KCTD8: variants seen among roughly 807,000 people sequenced by gnomAD.
KCTD8 encodes the protein potassium channel tetramerization domain containing 8, also known as BTB/POZ domain-containing protein KCTD8.
A neutral mutation model predicts 31.5 loss-of-function variants in KCTD8; 27 were observed. That is an observed-to-expected ratio of 0.86 (90% confidence interval 0.63 to 1.18). The LOEUF (loss-of-function observed/expected upper bound fraction) is 1.18. Ranked by LOEUF, KCTD8 falls within the 50% of genes most tolerant of loss-of-function variation. The pLI is 0.00. For synonymous variants in KCTD8, 290 were observed against 280.0 expected, an observed-to-expected ratio of 1.04 and a Z score of -0.36; for missense variants, 658 against 647.7, an observed-to-expected ratio of 1.02 and a Z score of -0.17.
intron 1 of KCTD8, among the ~76,000 whole-genome samples, chr4:44,357,918 C>A (rs1719386501): frequency 6.6e-6 from 1 of 151,432 alleles, no homozygotes. Context: ...TATTATTATA[C>A]TTTAAGTTCT....
chr4:44,233,461 T>C (rs1400363679), intron 1 of KCTD8, among the ~76,000 whole-genome samples: 2 of 152,182 alleles, frequency 1.3e-5, no homozygotes, highest in Non-Finnish European at 2.9e-5. Context: ...ATGGGGTTTG[T>C]TTACCACGTC....
chr4:44,331,713 G>A (rs1004769200), intron 1 of KCTD8, among the ~76,000 whole-genome samples: 2 of 149,144 alleles, frequency 1.3e-5, no homozygotes, highest in Admixed American at 1.3e-4. Flanking sequence ...GTGGAGATGT[G>A]GAGCCATATA....
intron 1 of KCTD8, among the ~76,000 whole-genome samples, chr4:44,177,814 T>C (rs186714752): frequency 6.6e-6 from 1 of 152,302 alleles, no homozygotes; most frequent in African/African-American, 2.4e-5. Flanking sequence ...ACCATTTAGG[T>C]ACCATAACTA....
chr4:44,308,815 CAT>C (rs1301554320), intron 1 of KCTD8, among the ~76,000 whole-genome samples: 2 of 151,990 alleles, frequency 1.3e-5, no homozygotes, highest in African/African-American at 4.8e-5. Context: ...TGAAAAAACA[CAT>C]ATTGAATCAC....
intron 1 of KCTD8, among the ~76,000 whole-genome samples, chr4:44,378,439 C>T (rs1384169453): frequency 6.6e-6 from 1 of 151,086 alleles, no homozygotes; most frequent in Admixed American, 6.6e-5. Context: ...TGCATATGTA[C>T]CCTAGAACTT....
At chr4:44,281,103 G>C (rs549361280) in intron 1 of KCTD8, among the ~76,000 whole-genome samples, 1 of 135,808 alleles carries the variant, frequency 7.4e-6, no homozygotes, top group South Asian at 2.5e-4. Context: ...AAAGTGGTAT[G>C]ACTTAATCAA....
intron 1 of KCTD8, among the ~76,000 whole-genome samples, chr4:44,256,219 T>A (rs1715986930): frequency 6.6e-6 from 1 of 151,904 alleles, no homozygotes; most frequent in Admixed American, 6.6e-5. Flanking sequence ...CAAGTCAAGA[T>A]AAGATTTAGG....
chr4:44,178,652 AG>A (rs1331479415), intron 1 of KCTD8, among the ~76,000 whole-genome samples: 1 of 152,196 alleles, frequency 6.6e-6, no homozygotes, highest in East Asian at 1.9e-4. Context: ...GTTTATTGGC[AG>A]GGCAACAGAG....
chr4:44,368,927 C>T (rs1424418313), intron 1 of KCTD8, among the ~76,000 whole-genome samples: 1 of 152,216 alleles, frequency 6.6e-6, no homozygotes, highest in Non-Finnish European at 1.5e-5. Flanking sequence ...CTTGATTTTA[C>T]ACATGACTGG....
chr4:44,374,741 T>A (rs546394057), intron 1 of KCTD8, among the ~76,000 whole-genome samples: 40 of 152,246 alleles, frequency 2.6e-4, no homozygotes, highest in African/African-American at 9.6e-4. Flanking sequence ...TCAGAACACA[T>A]ATAACATTAA....
intron 1 of KCTD8, among the ~76,000 whole-genome samples, chr4:44,425,323 C>T (rs1349359715): frequency 6.6e-6 from 1 of 151,966 alleles, no homozygotes; most frequent in Admixed American, 6.6e-5. Context: ...TGAAAGAAAA[C>T]AAATAACAGA....
chr4:44,444,806 G>A (rs1326006421), intron 1 of KCTD8, among the ~76,000 whole-genome samples: 1 of 143,084 alleles, frequency 7.0e-6, no homozygotes, highest in Non-Finnish European at 1.6e-5. Flanking sequence ...GGGTTGGGGG[G>A]GAATAACATT....
In KCTD8 at chr4:44,314,892, G is replaced by GA. The variant is rs79225319; in HGVS notation, c.961+132670dup. On this transcript the variant is annotated intron_variant, in intron 1 of 1. Transcript: ENST00000360029. ...AAAGACATTGTGAAAAAAAAAACAGGAAAAAAAAAAAACTTATACTCCTCC... is the reference window on the plus strand; with the variant it reads ...AAAGACATTGTGAAAAAAAAAACAGGAAAAAAAAAAAAACTTATACTCCTCC... Among the ~76,000 whole-genome samples the GA allele has an allele frequency of 7.8e-3, 1,098 of 141,190 alleles. 7 individuals are homozygous for GA. Among genetic ancestry groups the GA allele is most frequent in the African/African-American group, 0.013 (497 of 38,696 alleles). 92.6% of individuals were successfully genotyped at this position (141,190 alleles called of 152,430 possible). A position where few individuals can be genotyped will look rare whatever the true frequency, so the allele number is the denominator to read the frequency against.
At chr4:44,369,017 C>T (rs1243270197) in intron 1 of KCTD8, among the ~76,000 whole-genome samples, 1 of 152,076 alleles carries the variant, frequency 6.6e-6, no homozygotes, top group Admixed American at 6.5e-5. Flanking sequence ...TGGTTGGCCA[C>T]CAGCAACTCC....
intron 1 of KCTD8, among the ~76,000 whole-genome samples, chr4:44,194,644 T>G (rs1713876243): frequency 6.6e-6 from 1 of 152,168 alleles, no homozygotes; most frequent in Admixed American, 6.5e-5. Flanking sequence ...CTTCATGTGG[T>G]TCAGTGAAAG....
At chr4:44,384,279 C>T (rs908180430) in intron 1 of KCTD8, among the ~76,000 whole-genome samples, 1 of 151,826 alleles carries the variant, frequency 6.6e-6, no homozygotes, top group African/African-American at 2.4e-5. Context: ...ACCACAAATA[C>T]AGCTACCATA....
intron 1 of KCTD8, among the ~76,000 whole-genome samples, chr4:44,237,795 A>G (rs1454940772): frequency 6.6e-6 from 1 of 152,196 alleles, no homozygotes; most frequent in East Asian, 1.9e-4. Flanking sequence ...TTGAGGAGGC[A>G]CATCATAGGA....
At chr4:44,277,535 C>A (rs1716785255) in intron 1 of KCTD8, among the ~76,000 whole-genome samples, 1 of 151,704 alleles carries the variant, frequency 6.6e-6, no homozygotes, top group Non-Finnish European at 1.5e-5. Flanking sequence ...GTAAATCATT[C>A]ATTCATTCAT....
At chr4:44,304,453 ATTTCCACAC>A (rs1717740719) in intron 1 of KCTD8, among the ~76,000 whole-genome samples, 2 of 152,304 alleles carry the variant, frequency 1.3e-5, no homozygotes, top group South Asian at 4.1e-4. Flanking sequence ...TTGGTTAACA[ATTTCCACAC>A]TTACTACGCC....
Sources: allele counts gnomAD v4.1 joint callset (sites outside exome capture counted in the v4.1 genomes callset), GRCh38; gene constraint gnomAD v4.1.1; transcripts MANE v1.5; gene names NCBI Gene and HGNC (gene_info 2026-07-23, HGNC 2026-07-21).